Variants in FOXD3 observed in about 807,000 individuals in gnomAD.
FOXD3 encodes forkhead box D3, also known as forkhead box protein D3.
In FOXD3, 3 loss-of-function variants were observed where a neutral mutation model predicts 3.6. The observed-to-expected ratio is 0.84, with a 90% CI of 0.38 to 2.18. The LOEUF (loss-of-function observed/expected upper bound fraction) is 2.18. Ranked by LOEUF, FOXD3 falls within the 30% of genes most tolerant of loss-of-function variation. The probability of loss-of-function intolerance (pLI) is 0.06; values close to 1 mark genes in which losing one functional copy is unlikely to be tolerated. For missense variants in FOXD3, 686 were observed against 731.6 expected (o/e 0.94, Z 0.72); for synonymous variants, 391 against 360.9 (o/e 1.08, Z -0.94).
In FOXD3 at chr1:63,324,208, A is replaced by C; in HGVS notation, c.1150A>C (p.Ile384Leu). ...GCCGTCGTTCAGCATCGAGAACATC[A>C]TAGGTGGGGGCCCCGCGGCTCCTGG... Reference protein sequence around the residue: ...ARPSFSIENIIGGGPAAPGGS... With the variant: ...ARPSFSIENILGGGPAAPGGS... The change falls in exon 1 of 1, where the codon ATA becomes CTA. Residue 384 changes from isoleucine to leucine, a missense_variant. Physicochemically the swap from Ile to Leu is conservative, Grantham distance 5 (BLOSUM62 2). Transcript: ENST00000371116. This position sits in a 1 kb window ranked among gnomAD's most constrained non-coding sequence, Gnocchi z 4.1. 1 of 1,444,846 alleles carries C rather than the reference A, an allele frequency of 6.9e-7. No individual in the cohort carries two copies. The highest frequency in any genetic ancestry group is 9.0e-7 in the Non-Finnish European group (1 of 1,110,632). 89.5% of individuals were successfully genotyped at this position (1,444,846 alleles called of 1,614,324 possible). A position where few individuals can be genotyped will look rare whatever the true frequency, so the allele number is the denominator to read the frequency against.
At position 63,324,152 on chromosome 1, in the gene FOXD3, C is replaced by T; in HGVS notation, c.1094C>T (p.Ala365Val). The T allele has an allele frequency of 1.4e-6, 2 of 1,435,178 alleles. No individual in the cohort carries two copies. Among genetic ancestry groups the T allele is most frequent in the Non-Finnish European group, 1.8e-6 (2 of 1,107,872 alleles). The allele number at this position is 1,435,178 out of a possible 1,614,324, so 88.9% of individuals were successfully genotyped here. Residue 365 changes from alanine to valine, a missense_variant, in exon 1 of 1, where the codon GCG becomes GTG. Around this residue, in one of 3 missense-constraint regions of FOXD3, gnomAD observed 370 missense variants for 372.3 expected, o/e 0.99. Coordinates refer to ENST00000371116, the MANE Select transcript of FOXD3 (RefSeq NM_012183.3). This position sits in a 1 kb window ranked among gnomAD's most constrained non-coding sequence, Gnocchi z 4.1. ...AGTAGAAGTT[A>V]SLIKSEPSAR... ...ACAGCGGGCGCCGCGGGCACCACCG[C>T]GTCGCTCATCAAGTCCGAGCCAAGC...
At position 63,323,618 on chromosome 1, in the gene FOXD3, A is replaced by T; in HGVS notation, c.560A>T (p.Asn187Ile). 1.2e-6 allele frequency: 2 copies of T among 1,614,048 alleles called. No individual in the cohort carries two copies. Among genetic ancestry groups the T allele is most frequent in the Non-Finnish European group, 1.7e-6 (2 of 1,179,998 alleles). Residue 187 changes from asparagine (N) to isoleucine (I), a missense_variant, in exon 1 of 1, where the codon AAC becomes ATC. By Grantham distance (149) the Asn-to-Ile change is moderately radical. This residue lies in a region of FOXD3 where 84 missense variants were observed against 145.2 expected (regional missense o/e 0.58). Transcript: ENST00000371116. This position sits in a 1 kb window ranked among gnomAD's most constrained non-coding sequence, Gnocchi z 6.8. ...YYREKFPAWQ[N>I]SIRHNLSLND... is the part of the protein sequence containing the mutation. ...AGGGAGAAGTTCCCCGCCTGGCAGA[A>T]CAGCATCCGCCACAACCTCTCACTC... is the stretch of plus-strand genomic sequence containing the variant.
At position 63,322,647 on chromosome 1, in the gene FOXD3, C is replaced by T. The variant is rs1647032112; in HGVS notation, c.-412C>T. 5 of 958,496 alleles carry T rather than the reference C, an allele frequency of 5.2e-6. No homozygotes were observed. Among genetic ancestry groups the T allele is most frequent in the Non-Finnish European group, 6.2e-6 (5 of 805,546 alleles). 59.4% of individuals were successfully genotyped at this position (958,496 alleles called of 1,614,324 possible). The stretch of plus-strand genomic sequence containing the variant: ...CTGCCCCCCCGCTACTGTCCCTGCC[C>T]GCGCCCTCCCGAGCTGCTCGGCGCC... On this transcript the variant is annotated 5_prime_UTR_variant, in exon 1 of 1. Transcript: ENST00000371116.
chr1:63,324,385 A>T lies in FOXD3; in HGVS notation c.1327A>T (p.Thr443Ser), dbSNP rs1647058820. Residue 443 changes from threonine to serine, a missense_variant, in exon 1 of 1, where the codon ACC becomes TCC. Thr to Ser is a moderately conservative substitution (Grantham distance 58, BLOSUM62 1). Around this residue, in one of 3 missense-constraint regions of FOXD3, gnomAD observed 370 missense variants for 372.3 expected, o/e 0.99. Transcript: ENST00000371116. This position sits in a 1 kb window ranked among gnomAD's most constrained non-coding sequence, Gnocchi z 4.1. The part of the protein sequence containing the change: ...QPLSLSRTTA[T>S]IAPILSVPLS... ...GCTGTCGCTGAGCCGGACGACTGCC[A>T]CCATCGCGCCCATTCTTAGCGTGCC... The T allele has an allele frequency of 6.3e-7, 1 of 1,588,142 alleles. No homozygotes were observed. The highest frequency in any genetic ancestry group is 8.5e-7 in the Non-Finnish European group (1 of 1,175,902).
In FOXD3 at chr1:63,324,617, T is replaced by C; in HGVS notation, c.*122T>C. 2.7e-6 allele frequency: 2 copies of C among 727,340 alleles called. No homozygotes were observed. Among genetic ancestry groups the C allele is most frequent in the South Asian group, 1.8e-5 (1 of 54,672 alleles). 45.1% of individuals were successfully genotyped at this position (727,340 alleles called of 1,614,324 possible). On this transcript the variant is annotated 3_prime_UTR_variant, in exon 1 of 1. Coordinates refer to ENST00000371116, the MANE Select transcript of FOXD3 (RefSeq NM_012183.3). The surrounding 1 kb of genome is among the most constrained non-coding windows in gnomAD (Gnocchi z 4.1). ...CCGCTGCCCAATCCTGGACTCTGCC[T>C]CTCCCCAATTTCCTTTCCCCTGAGC...
At position 63,322,578 on chromosome 1, in the gene FOXD3, G is replaced by A; in HGVS notation, c.-481G>A. On this transcript the variant is annotated 5_prime_UTR_variant, in exon 1 of 1. Coordinates refer to ENST00000371116, the MANE Select transcript of FOXD3 (RefSeq NM_012183.3). ...TCTATCAGGCCAGTCCTTAAAACGG[G>A]ACTTTCGACTACCGGGGCTTCGGCG... The A allele has an allele frequency of 3.1e-6, 3 of 982,870 alleles. No homozygotes were observed. The highest frequency in any genetic ancestry group is 6.1e-5 in the Admixed American group (1 of 16,364). The allele number at this position is 982,870 out of a possible 1,614,324, so 60.9% of individuals were successfully genotyped here.
Position 63,323,043 on chromosome 1 carries a change from C to T in FOXD3, c.-16C>T, listed in dbSNP as rs1283915716. 6.6e-7 allele frequency: 1 copy of T among 1,524,116 alleles called. No individual in the cohort carries two copies. Among genetic ancestry groups the T allele is most frequent in the Non-Finnish European group, 8.8e-7 (1 of 1,139,616 alleles). 94.4% of individuals were successfully genotyped at this position (1,524,116 alleles called of 1,614,324 possible). Reference sequence around the variant, plus strand: ...CGCTGCCCCCTCCCCGCCGCCGCTACCAACCCCGAGGAGGGATGACCCTCT... The same window carrying T: ...CGCTGCCCCCTCCCCGCCGCCGCTATCAACCCCGAGGAGGGATGACCCTCT... On this transcript the variant is annotated 5_prime_UTR_variant, in exon 1 of 1. Transcript: ENST00000371116. This position sits in a 1 kb window ranked among gnomAD's most constrained non-coding sequence, Gnocchi z 6.8.
chr1:63,323,148 G>T lies in FOXD3; in HGVS notation c.90G>T (p.Glu30Asp). The T allele has an allele frequency of 6.4e-7, 1 of 1,569,222 alleles. No individual in the cohort carries two copies. The highest frequency in any genetic ancestry group is 1.4e-5 in the African/African-American group (1 of 72,670). ...ACGTGGACATCGATGTGGTGGGCGA[G>T]GGCGACGACGGGCTGGAAGAGAAGG... The part of the protein sequence containing the change: ...AEDVDIDVVG[E>D]GDDGLEEKDS... Residue 30 changes from glutamate (E) to aspartate (D), a missense_variant, in exon 1 of 1, where the codon GAG becomes GAT. By Grantham distance (45) the Glu-to-Asp change is conservative (BLOSUM62 2). This residue lies in a region of FOXD3 where 232 missense variants were observed against 214.0 expected (regional missense o/e 1.08). Transcript: ENST00000371116. The surrounding 1 kb of genome is among the most constrained non-coding windows in gnomAD (Gnocchi z 6.8).
chr1:63,324,829 T>C lies in FOXD3; in HGVS notation c.*334T>C. 3.2e-6 allele frequency: 1 copy of C among 311,752 alleles called. No homozygotes were observed. The highest frequency in any genetic ancestry group is 6.2e-6 in the Non-Finnish European group (1 of 162,294). The allele number at this position is 311,752 out of a possible 1,614,324, so 19.3% of individuals were successfully genotyped here. On this transcript the variant is annotated 3_prime_UTR_variant, in exon 1 of 1. Coordinates refer to ENST00000371116, the MANE Select transcript of FOXD3 (RefSeq NM_012183.3). The surrounding 1 kb of genome is among the most constrained non-coding windows in gnomAD (Gnocchi z 4.1). ...GGATGGGAGGGAAATTCTTTGTATA[T>C]ATTTGTAAAAAAATTATTGACTTTC... is the stretch of plus-strand genomic sequence containing the variant.
At position 63,323,686 on chromosome 1, in the gene FOXD3, G is replaced by C; in HGVS notation, c.628G>C (p.Gly210Arg). 6.2e-7 allele frequency: 1 copy of C among 1,614,090 alleles called. No individual in the cohort carries two copies. The highest frequency in any genetic ancestry group is 8.5e-7 in the Non-Finnish European group (1 of 1,179,996). The change falls in exon 1 of 1, where the codon GGC (glycine) becomes CGC (arginine). Residue 210 changes from glycine to arginine, a missense_variant. Coordinates refer to ENST00000371116, the MANE Select transcript of FOXD3 (RefSeq NM_012183.3). This position sits in a 1 kb window ranked among gnomAD's most constrained non-coding sequence, Gnocchi z 6.8. ...GATCCCCCGCGAGCCGGGCAACCCG[G>C]GCAAGGGCAACTACTGGACCCTGGA... Reference protein sequence around the residue: ...VKIPREPGNPGKGNYWTLDPQ... With the variant: ...VKIPREPGNPRKGNYWTLDPQ...
Position 63,322,728 on chromosome 1 carries a change from G to T in FOXD3, c.-331G>T. On this transcript the variant is annotated 5_prime_UTR_variant, in exon 1 of 1. Coordinates refer to ENST00000371116, the MANE Select transcript of FOXD3 (RefSeq NM_012183.3). ...GCGCCCCACGCCAGGGCCAGAGGCCGAGGAAGGCGGGCTAAGTGAGGGGGC... is the reference window on the plus strand; with the variant it reads ...GCGCCCCACGCCAGGGCCAGAGGCCTAGGAAGGCGGGCTAAGTGAGGGGGC... The T allele has an allele frequency of 1.0e-6, 1 of 985,196 alleles. No homozygotes were observed. The highest frequency in any genetic ancestry group is 1.2e-6 in the Non-Finnish European group (1 of 829,710). 61.0% of individuals were successfully genotyped at this position (985,196 alleles called of 1,614,324 possible).
At position 63,322,983 on chromosome 1, in the gene FOXD3, G is replaced by A; in HGVS notation, c.-76G>A. On this transcript the variant is annotated 5_prime_UTR_variant, in exon 1 of 1. Coordinates refer to ENST00000371116, the MANE Select transcript of FOXD3 (RefSeq NM_012183.3). ...GGGGGCACTCAAACCCTCTTCCCCTGAGCTCCGTGGCAGCCCCCGAACACC... is the reference window on the plus strand; with the variant it reads ...GGGGGCACTCAAACCCTCTTCCCCTAAGCTCCGTGGCAGCCCCCGAACACC... 1 of 1,479,826 alleles carries A rather than the reference G, an allele frequency of 6.8e-7. No individual in the cohort carries two copies. The highest frequency in any genetic ancestry group is 8.9e-7 in the Non-Finnish European group (1 of 1,120,370). The allele number at this position is 1,479,826 out of a possible 1,614,324, so 91.7% of individuals were successfully genotyped here.
rs780576074 is a variant in FOXD3, at chr1:63,323,459, A to G, written c.401A>G (p.Lys134Arg). ...TCGGCGGGAGGCCTGGCCCCGAGCA[A>G]GCCCAAGAACAGCCTAGTGAAGCCG... ...SGSAGGLAPS[K>R]PKNSLVKPPY... Residue 134 changes from lysine to arginine, a missense_variant, in exon 1 of 1, where the codon AAG becomes AGG. By Grantham distance (26) the Lys-to-Arg change is conservative. Around this residue, in one of 3 missense-constraint regions of FOXD3, gnomAD observed 232 missense variants for 214.0 expected, o/e 1.08. Transcript: ENST00000371116. The surrounding 1 kb of genome is among the most constrained non-coding windows in gnomAD (Gnocchi z 6.8). 6.8e-6 allele frequency: 11 copies of G among 1,608,546 alleles called. No individual in the cohort carries two copies. Among genetic ancestry groups the G allele is most frequent in the Non-Finnish European group, 9.3e-6 (11 of 1,177,730 alleles).
chr1:63,323,589 C>CT lies in FOXD3; in HGVS notation c.532dup (p.Tyr178LeufsTer170). Reference sequence around the variant, plus strand: ...AGTTCATCAGCAACCGCTTCCCCTACTACAGGGAGAAGTTCCCCGCCTGGC... The same window carrying CT: ...AGTTCATCAGCAACCGCTTCCCCTACTTACAGGGAGAAGTTCCCCGCCTGGC... On this transcript the variant is annotated frameshift_variant, in exon 1 of 1. Coordinates refer to ENST00000371116, the MANE Select transcript of FOXD3 (RefSeq NM_012183.3). LOFTEE classifies it low-confidence loss of function (END_TRUNC). This position sits in a 1 kb window ranked among gnomAD's most constrained non-coding sequence, Gnocchi z 6.8. The CT allele has an allele frequency of 6.2e-7, 1 of 1,614,164 alleles. No homozygotes were observed. The highest frequency in any genetic ancestry group is 8.5e-7 in the Non-Finnish European group (1 of 1,180,028).
In FOXD3 at chr1:63,323,070, C is replaced by G. The variant is rs1259315015; in HGVS notation, c.12C>G (p.Ser4=). 3 of 1,541,950 alleles carry G rather than the reference C, an allele frequency of 1.9e-6. No individual in the cohort carries two copies. The highest frequency in any genetic ancestry group is 1.7e-6 in the Non-Finnish European group (2 of 1,147,150). The change falls in exon 1 of 1, where the codon TCC becomes TCG. Residue 4 remains serine (S), a synonymous_variant. Coordinates refer to ENST00000371116, the MANE Select transcript of FOXD3 (RefSeq NM_012183.3). This position sits in a 1 kb window ranked among gnomAD's most constrained non-coding sequence, Gnocchi z 6.8. MTL[S]GGGSASDMSG... is the part of the protein sequence containing the mutation. ...AACCCCGAGGAGGGATGACCCTCTCCGGCGGCGGCAGCGCCAGCGACATGT... is the reference window on the plus strand; with the variant it reads ...AACCCCGAGGAGGGATGACCCTCTCGGGCGGCGGCAGCGCCAGCGACATGT...
In FOXD3 at chr1:63,322,864, G is replaced by C. The variant is rs1179434313; in HGVS notation, c.-195G>C. ...CCGCTGGGGGCGGACGGCAGAGCCC[G>C]CGCCACGCGATGCGGGGCCGCCGAG... On this transcript the variant is annotated 5_prime_UTR_variant, in exon 1 of 1. Transcript: ENST00000371116. The C allele has an allele frequency of 4.1e-6, 4 of 985,372 alleles. No homozygotes were observed. In the East Asian group the frequency reaches 4.6e-4, roughly 112 times the overall value. 61.0% of individuals were successfully genotyped at this position (985,372 alleles called of 1,614,324 possible).
chr1:63,323,976 G>A lies in FOXD3; in HGVS notation c.918G>A (p.Ala306=), dbSNP rs1647052576. 3.9e-6 allele frequency: 5 copies of A among 1,270,152 alleles called. No homozygotes were observed. Among genetic ancestry groups the A allele is most frequent in the Non-Finnish European group, 4.9e-6 (5 of 1,013,226 alleles). The allele number at this position is 1,270,152 out of a possible 1,614,324, so 78.7% of individuals were successfully genotyped here. A position where few individuals can be genotyped will look rare whatever the true frequency, so the allele number is the denominator to read the frequency against. Residue 306 remains alanine (A), a synonymous_variant, in exon 1 of 1, where the codon GCG becomes GCA. Coordinates refer to ENST00000371116, the MANE Select transcript of FOXD3 (RefSeq NM_012183.3). This position sits in a 1 kb window ranked among gnomAD's most constrained non-coding sequence, Gnocchi z 6.8. ...AAAAALQYPY[A]LPPVAPVLPP... The stretch of plus-strand genomic sequence containing the variant: ...CGGCGGCGCTCCAGTACCCGTACGC[G>A]CTGCCGCCGGTGGCACCGGTGCTGC...
At position 63,323,529 on chromosome 1, in the gene FOXD3, C is replaced by T. The variant is rs754096073; in HGVS notation, c.471C>T (p.Ser157=). ...TCATCACCATGGCCATCCTGCAGAG[C>T]CCGCAGAAGAAGCTGACCCTGAGCG... ...IALITMAILQ[S]PQKKLTLSGI... is the part of the protein sequence containing the mutation. Residue 157 remains serine, a synonymous_variant, in exon 1 of 1, where the codon AGC becomes AGT. Coordinates refer to ENST00000371116, the MANE Select transcript of FOXD3 (RefSeq NM_012183.3). The surrounding 1 kb of genome is among the most constrained non-coding windows in gnomAD (Gnocchi z 6.8). 2 of 1,614,132 alleles carry T rather than the reference C, an allele frequency of 1.2e-6. No individual in the cohort carries two copies. Among genetic ancestry groups the T allele is most frequent in the Non-Finnish European group, 8.5e-7 (1 of 1,180,016 alleles).
rs748139911 is a variant in FOXD3 at position 63,323,231 on chromosome 1, C to A, written c.173C>A (p.Ala58Glu). ...CCGCCGGAGCTGCGCCTGGACGAGGCGGACGAGGTGCCCCCGGCGGCACCC... is the reference window on the plus strand; with the variant it reads ...CCGCCGGAGCTGCGCCTGGACGAGGAGGACGAGGTGCCCCCGGCGGCACCC... ...AGPPELRLDE[A>E]DEVPPAAPHH... is the part of the protein sequence containing the mutation. Residue 58 changes from alanine (A) to glutamate (E), a missense_variant, in exon 1 of 1, where the codon GCG becomes GAG. Coordinates refer to ENST00000371116, the MANE Select transcript of FOXD3 (RefSeq NM_012183.3). This position sits in a 1 kb window ranked among gnomAD's most constrained non-coding sequence, Gnocchi z 6.8. 11 of 1,525,822 alleles carry A rather than the reference C, an allele frequency of 7.2e-6. No homozygotes were observed. Among genetic ancestry groups the A allele is most frequent in the South Asian group, 2.4e-5 (2 of 82,784 alleles). 94.5% of individuals were successfully genotyped at this position (1,525,822 alleles called of 1,614,324 possible).
Sources: allele counts gnomAD v4.1 joint callset, GRCh38; gene constraint gnomAD v4.1.1; regional missense constraint gnomAD v4.1.1; non-coding constraint Gnocchi (gnomAD v3.1); transcripts MANE v1.5; gene names NCBI Gene and HGNC (gene_info 2026-07-23, HGNC 2026-07-21).